PREX1: variants seen among roughly 807,000 people sequenced by gnomAD.
PREX1 encodes the protein phosphatidylinositol-3,4,5-trisphosphate dependent Rac exchange factor 1, also known as phosphatidylinositol 3,4,5-trisphosphate-dependent Rac exchanger 1 protein.
PREX1 carries 41 observed loss-of-function variants against 198.3 expected under a neutral mutation model. The ratio of observed to expected loss-of-function variants is 0.21; its 90% CI spans 0.16 to 0.27. The LOEUF (loss-of-function observed/expected upper bound fraction) is 0.27. PREX1 is among the 10% of genes least tolerant of loss of function. The pLI, the probability that PREX1 is intolerant of heterozygous loss-of-function variation, is 1.00. For missense variants in PREX1, 1,620 were observed against 2,200.7 expected, an observed-to-expected ratio of 0.74 and a Z score of 5.28; for synonymous variants, 843 against 887.2, an observed-to-expected ratio of 0.95 and a Z score of 0.89.
At chr20:48,733,504 G>A (rs911123350) in intron 4 of PREX1, among the ~76,000 whole-genome samples, 1 of 152,192 alleles carries the variant, frequency 6.6e-6, no homozygotes, top group Non-Finnish European at 1.5e-5. Flanking sequence ...GCTATCAGAG[G>A]TATAAGTCTG....
At chr20:48,758,399 G>A (rs1341109356) in intron 1 of PREX1, among the ~76,000 whole-genome samples, 1 of 152,156 alleles carries the variant, frequency 6.6e-6, no homozygotes, top group East Asian at 1.9e-4. Flanking sequence ...CGTCCCTCTG[G>A]TGTGCCCTGG....
At chr20:48,702,236 T>C (rs6095244) in intron 6 of PREX1, among the ~76,000 whole-genome samples, 10,479 of 148,032 alleles carry the variant, frequency 0.071, 415 homozygotes, top group South Asian at 0.15. Flanking sequence ...ATAAAGAGGC[T>C]GAGGGCAGGG....
At chr20:48,763,182 C>T (rs926460079) in intron 1 of PREX1, among the ~76,000 whole-genome samples, 2 of 152,222 alleles carry the variant, frequency 1.3e-5, no homozygotes, top group African/African-American at 4.8e-5. Context: ...ATACCTGCAT[C>T]ACGGGGGCAT....
chr20:48,677,704 G>A (rs897781563), intron 13 of PREX1, among the ~76,000 whole-genome samples: 2 of 152,172 alleles, frequency 1.3e-5, no homozygotes, highest in Non-Finnish European at 2.9e-5. Context: ...AATCAATAAG[G>A]CCAGGCACGG....
At chr20:48,809,590 G>A (rs1245198208) in intron 1 of PREX1, among the ~76,000 whole-genome samples, 1 of 152,210 alleles carries the variant, frequency 6.6e-6, no homozygotes, top group Admixed American at 6.5e-5. Flanking sequence ...TCTCAGCAGT[G>A]GTAGCAATGC....
intron 21 of PREX1, 85 bp from the exon 22 acceptor site, chr20:48,651,668 C>A: frequency 7.3e-7 from 1 of 1,375,602 alleles, no homozygotes; most frequent in South Asian, 1.4e-5. Context: ...GGAAGCCTTC[C>A]AGGCAGTGGG....
At chr20:48,887,811 G>C in the PREX1 span, among the ~76,000 whole-genome samples, 1 of 151,668 alleles carries the variant, frequency 6.6e-6, no homozygotes, top group Admixed American at 6.6e-5. Context: ...TTAGCCGGGC[G>C]TGGTGGCGGG....
At chr20:48,706,549 A>T (rs2089903479) in intron 6 of PREX1, among the ~76,000 whole-genome samples, 1 of 152,196 alleles carries the variant, frequency 6.6e-6, no homozygotes, top group African/African-American at 2.4e-5. Context: ...TTCCTCCACC[A>T]GGGAAGAGAT....
chr20:48,693,385 G>A (rs576872449), intron 7 of PREX1, among the ~76,000 whole-genome samples: 10 of 141,844 alleles, frequency 7.1e-5, no homozygotes, highest in African/African-American at 2.9e-4. Flanking sequence ...AAGAAGTCAG[G>A]GGGAAAAGGA....
chr20:48,649,034 C>T (rs1251578829), intron 25 of PREX1, among the ~76,000 whole-genome samples: 1 of 152,186 alleles, frequency 6.6e-6, no homozygotes, highest in Non-Finnish European at 1.5e-5. Flanking sequence ...CATAATATTT[C>T]ATTACACCAG....
Position 48,651,588 on chromosome 20 carries a change from A to G in PREX1, c.2468-5T>C. ...CCAGGGACAGCAGTGGGAAGGCTGGAAGCCAAAAGAGGTGACATCTGAGCA... is the reference window on the plus strand; with the variant it reads ...CCAGGGACAGCAGTGGGAAGGCTGGGAGCCAAAAGAGGTGACATCTGAGCA... On this transcript the variant is annotated splice_polypyrimidine_tract_variant and splice_region_variant and intron_variant, in intron 21 of 39. Coordinates refer to ENST00000371941, the MANE Select transcript of PREX1 (RefSeq NM_020820.4). 3 of 1,611,874 alleles carry G rather than the reference A, an allele frequency of 1.9e-6. No homozygotes were observed. The highest frequency in any genetic ancestry group is 2.5e-6 in the Non-Finnish European group (3 of 1,178,924).
At chr20:48,712,786 T>TC (rs1332616357) in intron 5 of PREX1, among the ~76,000 whole-genome samples, 1 of 152,212 alleles carries the variant, frequency 6.6e-6, no homozygotes, top group Non-Finnish European at 1.5e-5. Context: ...CATTCCTGCC[T>TC]CCAGGCCTTT....
chr20:48,831,423 C>T (rs720727), upstream of PREX1, among the ~76,000 whole-genome samples: 38,317 of 152,080 alleles, frequency 0.25, 5,611 homozygotes, highest in Non-Finnish European at 0.33. Flanking sequence ...TAAGTGTCGG[C>T]CACAAGCATC....
rs56182314 is a variant in PREX1 at position 48,696,606 on chromosome 20, CACATACATACATACATACAT to C, written c.918-3836_918-3817del. On this transcript the variant is annotated intron_variant, in intron 7 of 39. Transcript: ENST00000371941. Reference sequence around the variant, plus strand: ...AGTCAGCTGATCATTTACACACACACACATACATACATACATACATACATACATACATACACACATACACA... The same window carrying C: ...AGTCAGCTGATCATTTACACACACACACATACATACATACACACATACACA... 4.2e-5 allele frequency among the ~76,000 whole-genome samples: 6 copies of C among 142,934 alleles called. 1 individual carries two copies. The highest frequency in any genetic ancestry group is 2.1e-4 in the Admixed American group (3 of 14,614). 93.8% of individuals were successfully genotyped at this position (142,934 alleles called of 152,430 possible). A position where few individuals can be genotyped will look rare whatever the true frequency, so the allele number is the denominator to read the frequency against.
intron 7 of PREX1, among the ~76,000 whole-genome samples, chr20:48,695,753 T>C (rs1463303482): frequency 1.3e-5 from 2 of 152,254 alleles, no homozygotes; most frequent in African/African-American, 4.8e-5. Context: ...GAACTGTCTG[T>C]CTTTTTCTTA....
At chr20:48,775,723 C>T (rs1218729331) in intron 1 of PREX1, among the ~76,000 whole-genome samples, 2 of 152,110 alleles carry the variant, frequency 1.3e-5, no homozygotes, top group African/African-American at 4.8e-5. Flanking sequence ...TTATAAGGTG[C>T]GGTTTCCCTG....
intron 1 of PREX1, among the ~76,000 whole-genome samples, chr20:48,814,608 A>C (rs902172526): frequency 6.6e-6 from 1 of 152,206 alleles, no homozygotes; most frequent in African/African-American, 2.4e-5. Context: ...CGGGGAGATG[A>C]GGTCTGCACA....
At chr20:48,677,672 T>C (rs941396248) in intron 13 of PREX1, among the ~76,000 whole-genome samples, 17 of 152,092 alleles carry the variant, frequency 1.1e-4, no homozygotes, top group African/African-American at 3.6e-4. Context: ...CTCCAATAGG[T>C]AGCCATTTTA....
intron 30 of PREX1, among the ~76,000 whole-genome samples, chr20:48,638,409 C>T (rs66487963): frequency 0.013 from 1,908 of 152,312 alleles, 30 homozygotes; most frequent in East Asian, 0.027. Flanking sequence ...GCCCTACACA[C>T]GCCCTGTCCT....
Sources: allele counts gnomAD v4.1 joint callset (sites outside exome capture counted in the v4.1 genomes callset), GRCh38; gene constraint gnomAD v4.1.1; transcripts MANE v1.5; gene names NCBI Gene and HGNC (gene_info 2026-07-23, HGNC 2026-07-21).